The following SH3PXD2B variants were observed in gnomAD, a reference collection of about 807,000 sequenced individuals.
The protein encoded by SH3PXD2B is SH3 and PX domains 2B, also known as SH3 and PX domain-containing protein 2B.
Under a neutral mutation model 73.1 loss-of-function variants are expected in SH3PXD2B, and 37 were observed. That is an observed-to-expected ratio of 0.51 (90% CI 0.39 to 0.67). SH3PXD2B has a LOEUF of 0.67. Among genes scored for constraint, SH3PXD2B ranks in the 30% least tolerant of loss-of-function variants. The probability of loss-of-function intolerance (pLI) is 0.00; values close to 1 mark genes in which losing one functional copy is unlikely to be tolerated. For missense variants in SH3PXD2B, 1,053 were observed against 1,197.8 expected (o/e 0.88, Z 1.78); for synonymous variants, 457 against 480.5 (o/e 0.95, Z 0.64).
chr5:172,328,046 C>T (rs917557639), intron 12 of SH3PXD2B, among the ~76,000 whole-genome samples: 8 of 104,674 alleles, frequency 7.6e-5, no homozygotes, highest in African/African-American at 1.3e-4. Context: ...TGAGCCACCA[C>T]GCCCAGCTGT....
chr5:172,428,967 A>T (rs4867676), intron 1 of SH3PXD2B, among the ~76,000 whole-genome samples: 78,831 of 151,856 alleles, frequency 0.52, 22,558 homozygotes, highest in African/African-American at 0.75. Flanking sequence ...CTGCTATAGG[A>T]CTCCTTAGCA....
chr5:172,377,080 C>T (rs1757837409), intron 5 of SH3PXD2B, among the ~76,000 whole-genome samples: 1 of 152,216 alleles, frequency 6.6e-6, no homozygotes, highest in Non-Finnish European at 1.5e-5. Context: ...CGGGCTCCTG[C>T]TGAGCCATGC....
intron 3 of SH3PXD2B, among the ~76,000 whole-genome samples, chr5:172,402,658 G>A (rs556721527): frequency 3.9e-5 from 6 of 152,222 alleles, no homozygotes; most frequent in East Asian, 1.9e-4. Flanking sequence ...TTGAATTATC[G>A]GGGGTGGGTT....
chr5:172,423,669 G>GGA (rs927339456), intron 1 of SH3PXD2B, among the ~76,000 whole-genome samples: 17 of 152,006 alleles, frequency 1.1e-4, no homozygotes, highest in Admixed American at 8.5e-4. Flanking sequence ...GTTTCTTTTT[G>GGA]GAGAGGGAGT....
chr5:172,333,733 T>G lies in SH3PXD2B; in HGVS notation c.*4636A>C, dbSNP rs565603451. On this transcript the variant is annotated 3_prime_UTR_variant, in exon 13 of 13. Transcript: ENST00000311601. Reference sequence around the variant, plus strand: ...TGTGGGGATCTCCAGCGTCATCCTATGAGCAGACACGAGGTGGTGGGCAGT... The same window carrying G: ...TGTGGGGATCTCCAGCGTCATCCTAGGAGCAGACACGAGGTGGTGGGCAGT... 3.9e-6 allele frequency: 5 copies of G among 1,289,374 alleles called. No homozygotes were observed. The highest frequency in any genetic ancestry group is 5.1e-6 in the Non-Finnish European group (5 of 988,846). 79.9% of individuals were successfully genotyped at this position (1,289,374 alleles called of 1,614,324 possible).
In SH3PXD2B at chr5:172,353,823, G is replaced by C; in HGVS notation, c.785+65C>G. On this transcript the variant is annotated intron_variant, in intron 9 of 12. Coordinates refer to ENST00000311601, the MANE Select transcript of SH3PXD2B (RefSeq NM_001017995.3). The surrounding 1 kb of genome is among the most constrained non-coding windows in gnomAD (Gnocchi z 4.3). ...ACCTCTGTGAGGCCAGAGTCCCTGT[G>C]ACCCCAAACCCACCCAGCGTGACCC... 7.7e-7 allele frequency: 1 copy of C among 1,303,516 alleles called. No homozygotes were observed. The highest frequency in any genetic ancestry group is 1.1e-6 in the Non-Finnish European group (1 of 898,414). The allele number at this position is 1,303,516 out of a possible 1,614,324, so 80.7% of individuals were successfully genotyped here. A position where few individuals can be genotyped will look rare whatever the true frequency, so the allele number is the denominator to read the frequency against.
intron 6 of SH3PXD2B, among the ~76,000 whole-genome samples, chr5:172,364,589 C>T (rs906021101): frequency 2.0e-5 from 3 of 152,076 alleles, no homozygotes; most frequent in Non-Finnish European, 2.9e-5. Context: ...CGCTTGAACC[C>T]GGGAGGCAGA....
chr5:172,350,751 G>A (rs1411409831), intron 9 of SH3PXD2B, among the ~76,000 whole-genome samples, 162 bp from the exon 10 acceptor site: 2 of 152,228 alleles, frequency 1.3e-5, no homozygotes, highest in African/African-American at 4.8e-5. Context: ...TCCTCTTGAT[G>A]ATGCCTAAGC....
intron 4 of SH3PXD2B, among the ~76,000 whole-genome samples, chr5:172,382,556 AACAC>A (rs3057156): frequency 0.015 from 2,224 of 149,562 alleles, 19 homozygotes; most frequent in South Asian, 0.033. Context: ...TTTGGAGAAC[AACAC>A]ACACACACAC....
intron 1 of SH3PXD2B, among the ~76,000 whole-genome samples, chr5:172,426,125 T>C (rs1472702939): frequency 2.6e-5 from 4 of 152,238 alleles, no homozygotes; most frequent in African/African-American, 7.2e-5. Flanking sequence ...ATCTCTTGTT[T>C]ACAATTTTTA....
chr5:172,376,470 T>C (rs969915771), intron 5 of SH3PXD2B, among the ~76,000 whole-genome samples: 1 of 152,240 alleles, frequency 6.6e-6, no homozygotes, highest in African/African-American at 2.4e-5. Flanking sequence ...TGCATTTTCT[T>C]TGGAGAAATG....
chr5:172,452,426 C>T (rs1388080038), intron 1 of SH3PXD2B, among the ~76,000 whole-genome samples: 1 of 152,172 alleles, frequency 6.6e-6, no homozygotes, highest in African/African-American at 2.4e-5. Context: ...GAGGACTTTG[C>T]TCAGAGAAAC....
chr5:172,435,973 G>A (rs759664863), intron 1 of SH3PXD2B, among the ~76,000 whole-genome samples: 59 of 152,206 alleles, frequency 3.9e-4, no homozygotes, highest in Non-Finnish European at 6.9e-4. Context: ...TGAGATGGGC[G>A]CTACCTACTT....
At chr5:172,448,584 C>G (rs899419953) in intron 1 of SH3PXD2B, among the ~76,000 whole-genome samples, 1 of 152,194 alleles carries the variant, frequency 6.6e-6, no homozygotes, top group African/African-American at 2.4e-5. Flanking sequence ...GAATTCAAAG[C>G]CAGGTCTTTT....
intron 5 of SH3PXD2B, 45 bp downstream of exon 5, chr5:172,381,991 G>A: frequency 1.3e-6 from 2 of 1,494,570 alleles, no homozygotes; most frequent in Non-Finnish European, 1.8e-6. Flanking sequence ...TGGCAGGAGG[G>A]AGGGCTGTGG....
Position 172,406,329 on chromosome 5 carries a change from G to A in SH3PXD2B, c.180C>T (p.Pro60=), listed in dbSNP as rs1303064375. 5 of 1,613,982 alleles carry A rather than the reference G, an allele frequency of 3.1e-6. No individual in the cohort carries two copies. The East Asian group carries it at 1.1e-4, about 36-fold the overall frequency. Residue 60 remains proline, a synonymous_variant, in exon 3 of 13, where the codon CCC becomes CCT. Transcript: ENST00000311601. ...DLQMQMLDKF[P]MEGGQKDPKQ... ...TGGGGTCCTTCTGTCCTCCTTCCAT[G>A]GGAAATTTGTCCAACATCTGCATCT...
chr5:172,376,882 C>T lies in SH3PXD2B; in HGVS notation c.402-3067G>A, dbSNP rs181587397. 3.0e-3 allele frequency among the ~76,000 whole-genome samples: 453 copies of T among 152,324 alleles called. 3 individuals are homozygous for T. Among genetic ancestry groups the T allele is most frequent in the African/African-American group, 0.01 (436 of 41,572 alleles). On this transcript the variant is annotated intron_variant, in intron 5 of 12. Coordinates refer to ENST00000311601, the MANE Select transcript of SH3PXD2B (RefSeq NM_001017995.3). ...GAGGTACCAGGCCCAGGACTGGAAC[C>T]CAGGAAGTCTGGCTGGAGCCCACTC... is the stretch of plus-strand genomic sequence containing the variant.
chr5:172,404,965 G>A (rs1420550884), intron 3 of SH3PXD2B, among the ~76,000 whole-genome samples: 1 of 152,192 alleles, frequency 6.6e-6, no homozygotes, highest in Non-Finnish European at 1.5e-5. Flanking sequence ...CTGTGAAATG[G>A]GTGCAGTAAT....
intron 4 of SH3PXD2B, among the ~76,000 whole-genome samples, chr5:172,389,761 T>C (rs1758138133): frequency 6.6e-6 from 1 of 152,062 alleles, no homozygotes; most frequent in African/African-American, 2.4e-5. Flanking sequence ...TCAAAGTGGT[T>C]GGAGAGATAA....
Sources: allele counts gnomAD v4.1 joint callset (sites outside exome capture counted in the v4.1 genomes callset), GRCh38; gene constraint gnomAD v4.1.1; non-coding constraint Gnocchi (gnomAD v3.1); transcripts MANE v1.5; gene names NCBI Gene and HGNC (gene_info 2026-07-23, HGNC 2026-07-21).